The following GSN variants were observed in gnomAD, a reference collection of about 807,000 sequenced individuals.
GSN encodes the protein gelsolin.
In GSN, 56 loss-of-function variants were observed where a neutral mutation model predicts 85.7. The ratio of observed to expected loss-of-function variants is 0.65; its 90% confidence interval spans 0.53 to 0.82. The LOEUF is 0.82. Ranked by LOEUF, GSN falls within the 40% of genes least tolerant of loss-of-function variation. GSN has a pLI of 0.00. For synonymous variants in GSN, 373 were observed against 399.1 expected, an observed-to-expected ratio of 0.93 and a Z score of 0.78; for missense variants, 857 against 979.8, an observed-to-expected ratio of 0.87 and a Z score of 1.67.
At chr9:121,237,864 G>A (rs975282739) in intron 5 of GSN, among the ~76,000 whole-genome samples, 2 of 152,186 alleles carry the variant, frequency 1.3e-5, no homozygotes, top group African/African-American at 2.4e-5. Context: ...ATAAGAAAAC[G>A]TCACCTGCAT....
intron 2 of GSN, among the ~76,000 whole-genome samples, chr9:121,296,216 G>A (rs1010886355): frequency 6.6e-6 from 1 of 152,334 alleles, no homozygotes; most frequent in African/African-American, 2.4e-5. Flanking sequence ...CTTGGTCTCC[G>A]CAGACAGAGC....
chr9:121,246,907 G>T (rs2054710222), intron 5 of GSN, among the ~76,000 whole-genome samples: 1 of 152,216 alleles, frequency 6.6e-6, no homozygotes, highest in Non-Finnish European at 1.5e-5. Flanking sequence ...GTCATGGCCA[G>T]AGTTTAAGGC....
intron 12 of GSN, among the ~76,000 whole-genome samples, chr9:121,325,715 A>G (rs1442435180): frequency 3.3e-5 from 5 of 152,172 alleles, no homozygotes; most frequent in East Asian, 1.9e-4. Flanking sequence ...ACCTTTGACT[A>G]TGATAGACTG....
Position 121,299,978 on chromosome 9 carries a change from GC to G in GSN, c.-9-1981del. Reference sequence around the variant, plus strand: ...CGCGGGGGGCGTCCCAGGCGGGGGCGCCCCAGGGGCGGGTGCCCGAGGCGCG... The same window carrying G: ...CGCGGGGGGCGTCCCAGGCGGGGGCGCCCAGGGGCGGGTGCCCGAGGCGCG... On this transcript the variant is annotated intron_variant, in intron 2 of 17. Transcript: ENST00000432226. This position sits in a 1 kb window ranked among gnomAD's most constrained non-coding sequence, Gnocchi z 4.2. The G allele has an allele frequency of 7.4e-7, 1 of 1,346,764 alleles. No individual in the cohort carries two copies. The highest frequency in any genetic ancestry group is 9.6e-7 in the Non-Finnish European group (1 of 1,045,294). 83.4% of individuals were successfully genotyped at this position (1,346,764 alleles called of 1,614,324 possible). A position where few individuals can be genotyped will look rare whatever the true frequency, so the allele number is the denominator to read the frequency against.
chr9:121,316,897 G>A (rs943823718), intron 7 of GSN, among the ~76,000 whole-genome samples, 189 bp from the exon 8 acceptor site: 7 of 151,958 alleles, frequency 4.6e-5, no homozygotes, highest in African/African-American at 1.2e-4. Flanking sequence ...TTACCCCTGC[G>A]TGTAGGTCAG....
At chr9:121,266,013 CAAT>C (rs2055190659), upstream of GSN, among the ~76,000 whole-genome samples, 1 of 152,192 alleles carries the variant, frequency 6.6e-6, no homozygotes, top group African/African-American at 2.4e-5. Flanking sequence ...CATCATCAAT[CAAT>C]CATCATCATC....
rs2063167010 is a variant in GSN at position 121,326,376 on chromosome 9, T to G, written c.1417-136T>G. ...TGGAATTCTGGTGTCCCTGCCTGTG[T>G]GTTGTCGGGTCACATTCCATGCCAC... On this transcript the variant is annotated intron_variant, in intron 12 of 17. Coordinates refer to ENST00000432226, the MANE Select transcript of GSN (RefSeq NM_198252.3). 4.0e-6 allele frequency: 3 copies of G among 750,696 alleles called. No homozygotes were observed. The Admixed American group carries it at 6.0e-5, about 15-fold the overall frequency. The allele number at this position is 750,696 out of a possible 1,614,324, so 46.5% of individuals were successfully genotyped here.
At chr9:121,293,831 T>A (rs1200264142) in intron 2 of GSN, among the ~76,000 whole-genome samples, 1 of 152,216 alleles carries the variant, frequency 6.6e-6, no homozygotes, top group Non-Finnish European at 1.5e-5. Flanking sequence ...GTGCTTATTC[T>A]GTACCAAGCA....
intron 5 of GSN, among the ~76,000 whole-genome samples, chr9:121,244,639 T>A (rs2054664819): frequency 6.6e-6 from 1 of 152,226 alleles, no homozygotes; most frequent in African/African-American, 2.4e-5. Flanking sequence ...GGCTAGCCAC[T>A]GCAGCTCTAT....
chr9:121,225,538 C>G lies in GSN; in HGVS notation c.-527-5627C>G, dbSNP rs190126460. On this transcript the variant is annotated intron_variant, in intron 4 of 24. Coordinates refer to the GSN transcript ENST00000373823. ...GCCAAAATCTGTCTGGAAAAAGCAT[C>G]GGACATGGATACAGGTGTGAAGGGG... Among the ~76,000 whole-genome samples the G allele has an allele frequency of 9.2e-5, 14 of 152,302 alleles. No homozygotes were observed. The East Asian group carries it at 2.5e-3, about 27-fold the overall frequency.
At chr9:121,269,390 A>G (rs888703068) in intron 1 of GSN, among the ~76,000 whole-genome samples, 1 of 152,172 alleles carries the variant, frequency 6.6e-6, no homozygotes, top group African/African-American at 2.4e-5. Context: ...ATTGTCACAC[A>G]GTGAGGCAGG....
At chr9:121,320,137 C>T (rs2062229031) in intron 10 of GSN, among the ~76,000 whole-genome samples, 1 of 152,192 alleles carries the variant, frequency 6.6e-6, no homozygotes, top group Non-Finnish European at 1.5e-5. Flanking sequence ...TCATCCCACT[C>T]CATCACCTTC....
chr9:121,290,450 A>G (rs1368150827), intron 2 of GSN, among the ~76,000 whole-genome samples: 1 of 152,242 alleles, frequency 6.6e-6, no homozygotes, highest in Non-Finnish European at 1.5e-5. Flanking sequence ...ATGAGTAGCA[A>G]TAAAAATATC....
At chr9:121,317,622 A>G (rs1199262321) in intron 8 of GSN, 2 of 296,022 alleles carry the variant, frequency 6.8e-6, no homozygotes, top group Non-Finnish European at 1.3e-5. Flanking sequence ...GGGGCTTTTC[A>G]TGAAGATGAT....
chr9:121,213,768 C>T (rs1473024463), intron 4 of GSN, among the ~76,000 whole-genome samples: 1 of 152,188 alleles, frequency 6.6e-6, no homozygotes, highest in African/African-American at 2.4e-5. Context: ...CACTGAGGCT[C>T]AGGCTAGACC....
At chr9:121,252,987 G>C (rs556117101) in intron 6 of GSN, among the ~76,000 whole-genome samples, 16 of 152,200 alleles carry the variant, frequency 1.1e-4, no homozygotes, top group Non-Finnish European at 2.1e-4. Flanking sequence ...GAGGCTGGAA[G>C]TCTAAGATCA....
chr9:121,289,884 A>C (rs1360978455), intron 2 of GSN, among the ~76,000 whole-genome samples: 4 of 152,168 alleles, frequency 2.6e-5, no homozygotes. Flanking sequence ...TTCTGTCTGC[A>C]CCGAGGTCTG....
At chr9:121,286,002 C>G in intron 2 of GSN, 1 of 865,032 alleles carries the variant, frequency 1.2e-6, no homozygotes, top group Non-Finnish European at 1.9e-6. Context: ...AGAACCATTT[C>G]CGGAACTGTG....
intron 6 of GSN, among the ~76,000 whole-genome samples, chr9:121,262,990 C>T (rs995862757): frequency 1.3e-5 from 2 of 152,214 alleles, no homozygotes; most frequent in East Asian, 1.9e-4. Flanking sequence ...GGGATGATGT[C>T]GGAAAACCAA....
Sources: gnomAD v4.1 joint callset for allele counts (sites outside exome capture counted in the v4.1 genomes callset) on GRCh38, gnomAD v4.1.1 for gene constraint, Gnocchi (gnomAD v3.1) non-coding constraint, MANE v1.5 for transcripts, NCBI Gene and HGNC (gene_info 2026-07-23, HGNC 2026-07-21) for gene names.